CALN1: variants seen among roughly 807,000 people sequenced by gnomAD.
CALN1 encodes the protein calneuron 1.
In CALN1, 17 loss-of-function variants were observed where a neutral mutation model predicts 30.6. That is an observed-to-expected ratio of 0.56 (90% CI 0.38 to 0.83). The LOEUF (loss-of-function observed/expected upper bound fraction) is 0.83, where lower values mean the gene tolerates loss of function less well. Ranked by LOEUF, CALN1 falls within the 40% of genes least tolerant of loss-of-function variation. The pLI, the probability that CALN1 is intolerant of heterozygous loss-of-function variation, is 0.00. For synonymous variants in CALN1, 156 were observed against 131.4 expected (o/e 1.19, Z -1.28); for missense variants, 291 against 354.9 (o/e 0.82, Z 1.45).
intron 2 of CALN1, among the ~76,000 whole-genome samples, chr7:72,286,376 G>A (rs541219649): frequency 3.3e-5 from 5 of 152,296 alleles, no homozygotes; most frequent in South Asian, 2.1e-4. Flanking sequence ...GGTCTGAGAC[G>A]TGGACCCTGC....
intron 5 of CALN1, among the ~76,000 whole-genome samples, chr7:71,977,367 C>G (rs1584660165): frequency 6.6e-6 from 1 of 152,120 alleles, no homozygotes; most frequent in African/African-American, 2.4e-5. Flanking sequence ...CCAAGGAGTT[C>G]AAGGCTGCAG....
chr7:72,494,332 T>C, the CALN1 span, among the ~76,000 whole-genome samples: 1 of 152,184 alleles, frequency 6.6e-6, no homozygotes, highest in Non-Finnish European at 1.5e-5. Flanking sequence ...CAGTCAGAAA[T>C]GGCACCAAAG....
At position 72,411,689 on chromosome 7, in the gene CALN1, A is replaced by G. The variant is rs193296582; in HGVS notation, c.-74+369T>C. ...GTGGATAAGTTCTCAATGATGCCAA[A>G]TGACAGAGAAACTAACTGGAAGACA... On this transcript the variant is annotated intron_variant, in intron 1 of 6. Transcript: ENST00000395275. Among the ~76,000 whole-genome samples, 13 of 152,362 alleles carry G rather than the reference A, an allele frequency of 8.5e-5. 1 individual carries two copies. In the East Asian group the frequency reaches 1.3e-3, roughly 16 times the overall value.
At chr7:72,265,223 C>T (rs146079674) in intron 3 of CALN1, among the ~76,000 whole-genome samples, 2 of 152,270 alleles carry the variant, frequency 1.3e-5, no homozygotes, top group East Asian at 3.9e-4. Context: ...ATATTAATGA[C>T]CATGTTGATA....
At chr7:72,158,465 G>T (rs149432201) in intron 3 of CALN1, among the ~76,000 whole-genome samples, 1,689 of 152,222 alleles carry the variant, frequency 0.011, 11 homozygotes, top group Non-Finnish European at 0.017. Flanking sequence ...CCTTCGTCCT[G>T]GCCAGCAGAA....
At chr7:72,345,289 T>A in intron 2 of CALN1, among the ~76,000 whole-genome samples, 1 of 136,096 alleles carries the variant, frequency 7.3e-6, no homozygotes. Context: ...AAACTGCACA[T>A]GGTGAATGGT....
chr7:72,338,525 G>GTGTGTCTGTCTGTCTGTC, intron 2 of CALN1, among the ~76,000 whole-genome samples: 24 of 122,378 alleles, frequency 2.0e-4, no homozygotes, highest in African/African-American at 7.2e-4. Flanking sequence ...GTGTGTGTGT[G>GTGTGTCTGTCTGTCTGTC]TGTCTCACCT....
intron 3 of CALN1, among the ~76,000 whole-genome samples, chr7:72,186,459 G>A (rs1466240210): frequency 4.6e-5 from 7 of 152,064 alleles, no homozygotes; most frequent in Admixed American, 3.9e-4. Flanking sequence ...GGGGGTACAT[G>A]TGCAGGTTTG....
At chr7:72,193,102 C>T (rs893573160) in intron 3 of CALN1, among the ~76,000 whole-genome samples, 11 of 151,686 alleles carry the variant, frequency 7.3e-5, no homozygotes, top group African/African-American at 9.7e-5. Flanking sequence ...GCAGGAGAAC[C>T]GCTTGAACAC....
At chr7:71,985,952 G>C (rs1296758846) in intron 5 of CALN1, among the ~76,000 whole-genome samples, 7 of 152,034 alleles carry the variant, frequency 4.6e-5, no homozygotes, top group Non-Finnish European at 1.0e-4. Flanking sequence ...CAATCTAAAT[G>C]ATCCATGGTA....
rs577151840 is a variant in CALN1 at position 71,824,486 on chromosome 7, C to T, written c.502-13994G>A. Among the ~76,000 whole-genome samples, 245 of 152,228 alleles carry T rather than the reference C, an allele frequency of 1.6e-3. 1 individual carries two copies. Among genetic ancestry groups the T allele is most frequent in the Non-Finnish European group, 2.8e-3 (191 of 68,026 alleles). ...CTGAATTCCCGATAAGATGAAATGC[C>T]AGGCTGCCAAAAGCCCAGAGCTCGC... is the stretch of plus-strand genomic sequence containing the variant. On this transcript the variant is annotated intron_variant, in intron 5 of 6. Transcript: ENST00000395275.
At chr7:72,483,342 T>TG in the CALN1 span, among the ~76,000 whole-genome samples, 29 of 149,726 alleles carry the variant, frequency 1.9e-4, no homozygotes, top group East Asian at 2.8e-3. Flanking sequence ...TAGAGTGCAG[T>TG]GGCACGATCT....
chr7:72,170,683 TGTCATG>T (rs1466194160), intron 3 of CALN1, among the ~76,000 whole-genome samples: 1 of 152,198 alleles, frequency 6.6e-6, no homozygotes, highest in African/African-American at 2.4e-5. Context: ...CATCTGTCAT[TGTCATG>T]TCTTTATCAA....
At chr7:72,208,441 GC>G (rs1792052969) in intron 3 of CALN1, among the ~76,000 whole-genome samples, 1 of 152,138 alleles carries the variant, frequency 6.6e-6, no homozygotes, top group Admixed American at 6.6e-5. Context: ...TAAAACACTT[GC>G]ACAGCCACTC....
chr7:72,423,888 G>A (rs1424209517), intron 1 of CALN1, among the ~76,000 whole-genome samples: 1 of 141,400 alleles, frequency 7.1e-6, no homozygotes, highest in Non-Finnish European at 1.5e-5. Flanking sequence ...GAGGAAAGGG[G>A]AGAAGGAAGG....
chr7:72,214,760 C>T (rs905299286), intron 3 of CALN1, among the ~76,000 whole-genome samples: 3 of 151,984 alleles, frequency 2.0e-5, no homozygotes, highest in African/African-American at 7.3e-5. Context: ...AGCCACTCCC[C>T]GCCGCTCGCA....
intron 3 of CALN1, among the ~76,000 whole-genome samples, chr7:72,265,886 C>G (rs1288195737): frequency 6.6e-6 from 1 of 152,004 alleles, no homozygotes; most frequent in African/African-American, 2.4e-5. Context: ...GTAATCCCAG[C>G]ATTTTGGGAG....
intron 5 of CALN1, among the ~76,000 whole-genome samples, chr7:72,015,818 T>TAACATGAATGCTTCCCATATTCC (rs1800345427): frequency 2.0e-5 from 3 of 152,152 alleles, no homozygotes; most frequent in Admixed American, 1.3e-4. Context: ...GAACCACTGT[T>TAACATGAATGCTTCCCATATTCC]AACATGAATG....
At chr7:72,011,266 A>AC (rs1203556240) in intron 5 of CALN1, among the ~76,000 whole-genome samples, 1 of 152,162 alleles carries the variant, frequency 6.6e-6, no homozygotes, top group Non-Finnish European at 1.5e-5. Flanking sequence ...CAGTACCTCC[A>AC]CAAGACAGTA....
Sources: gnomAD v4.1 joint callset for allele counts (sites outside exome capture counted in the v4.1 genomes callset) on GRCh38, gnomAD v4.1.1 for gene constraint, MANE v1.5 for transcripts, NCBI Gene and HGNC (gene_info 2026-07-23, HGNC 2026-07-21) for gene names.